The following DHRSX variants were observed in gnomAD, a reference collection of about 807,000 sequenced individuals.
DHRSX encodes dehydrogenase/reductase X-linked.
In DHRSX, 31 loss-of-function variants were observed where a neutral mutation model predicts 34.0. The ratio of observed to expected loss-of-function variants is 0.91; its 90% CI spans 0.69 to 1.23. The LOEUF is 1.23. DHRSX is among the 50% of genes most tolerant of loss of function. DHRSX has a pLI of 0.00. For missense variants in DHRSX, 414 were observed against 428.1 expected (o/e 0.97, Z 0.29); for synonymous variants, 201 against 183.8 (o/e 1.09, Z -0.76).
chrX:2,453,499 C>A (rs1462800818), intron 1 of DHRSX, among the ~76,000 whole-genome samples: 1 of 151,530 alleles, frequency 6.6e-6, no homozygotes, highest in Non-Finnish European at 1.5e-5. Flanking sequence ...TAGCAAGACA[C>A]CATCTCTACA....
At chrX:2,367,459 A>C (rs1463447951) in intron 3 of DHRSX, among the ~76,000 whole-genome samples, 1 of 151,982 alleles carries the variant, frequency 6.6e-6, no homozygotes, top group Non-Finnish European at 1.5e-5. Context: ...AAAAAGAAAA[A>C]AAAAAAAGAA....
At chrX:2,397,573 A>C (rs966848983) in intron 3 of DHRSX, among the ~76,000 whole-genome samples, 6 of 12,978 alleles carry the variant, frequency 4.6e-4, no homozygotes, top group African/African-American at 1.2e-3. Context: ...TTCACAGACA[A>C]AAAAAAAAAC....
Position 2,257,295 on chromosome X carries a change from A to G in DHRSX, c.596+9445T>C, listed in dbSNP as rs755660425. ...ACTGAACTTCAGTCATATGTGACGCAGGGATGACACAAGAACAGAAAAATC... is the reference window on the plus strand; with the variant it reads ...ACTGAACTTCAGTCATATGTGACGCGGGGATGACACAAGAACAGAAAAATC... On this transcript the variant is annotated intron_variant, in intron 5 of 6. Coordinates refer to ENST00000334651, the MANE Select transcript of DHRSX (RefSeq NM_145177.3). Among the ~76,000 whole-genome samples the G allele has an allele frequency of 2.6e-3, 394 of 152,282 alleles. 2 individuals are homozygous for G. The highest frequency in any genetic ancestry group is 0.024 in the Middle Eastern group (7 of 294).
intron 4 of DHRSX, among the ~76,000 whole-genome samples, chrX:2,273,793 T>C (rs1470988416): frequency 6.6e-6 from 1 of 152,224 alleles, no homozygotes; most frequent in Non-Finnish European, 1.5e-5. Flanking sequence ...AGCAAATTCT[T>C]GGTGACAACA....
At chrX:2,378,742 CT>C (rs2043170395) in intron 3 of DHRSX, among the ~76,000 whole-genome samples, 1 of 151,888 alleles carries the variant, frequency 6.6e-6, no homozygotes, top group South Asian at 2.1e-4. Flanking sequence ...GCGATCTCGG[CT>C]CACTGCAACC....
chrX:2,297,418 T>C (rs2041947561), intron 3 of DHRSX, among the ~76,000 whole-genome samples: 1 of 152,122 alleles, frequency 6.6e-6, no homozygotes. Flanking sequence ...CCACCTTGCC[T>C]GGCCATCCTT....
At position 2,470,094 on chromosome X, in the gene DHRSX, G is replaced by A. The variant is rs191331271; in HGVS notation, c.109+30723C>T. ...TGAAAAAGGAAATCCTGCCATTTGCGCAACATGGATGGGACTGGAAGATAC... is the reference window on the plus strand; with the variant it reads ...TGAAAAAGGAAATCCTGCCATTTGCACAACATGGATGGGACTGGAAGATAC... On this transcript the variant is annotated intron_variant, in intron 1 of 6. Transcript: ENST00000334651. Among the ~76,000 whole-genome samples, 7 of 139,650 alleles carry A rather than the reference G, an allele frequency of 5.0e-5. No individual in the cohort carries two copies. The South Asian group carries it at 9.7e-4, about 19-fold the overall frequency. 91.6% of individuals were successfully genotyped at this position (139,650 alleles called of 152,430 possible).
intron 3 of DHRSX, among the ~76,000 whole-genome samples, chrX:2,371,480 CCT>C (rs2043066277): frequency 7.0e-6 from 1 of 143,680 alleles, no homozygotes; most frequent in African/African-American, 2.5e-5. Flanking sequence ...CATAGACCCT[CCT>C]CCTCCCGTTA....
At chrX:2,234,886 T>G (rs1174578439) in intron 6 of DHRSX, among the ~76,000 whole-genome samples, 9 of 152,090 alleles carry the variant, frequency 5.9e-5, no homozygotes. Flanking sequence ...AATTTTTGTA[T>G]TTTTAGTAGA....
chrX:2,438,672 T>TAA (rs11449377), intron 1 of DHRSX, among the ~76,000 whole-genome samples: 69,387 of 141,264 alleles, frequency 0.49, 17,177 homozygotes, highest in East Asian at 0.81. Context: ...CATCTCAAAA[T>TAA]AAAAAAAAAA....
intron 6 of DHRSX, among the ~76,000 whole-genome samples, chrX:2,222,351 C>T (rs1254395141): frequency 6.6e-6 from 1 of 152,238 alleles, no homozygotes; most frequent in Admixed American, 6.5e-5. Flanking sequence ...ATTCCAACCT[C>T]CTAATGACAT....
intron 1 of DHRSX, among the ~76,000 whole-genome samples, chrX:2,463,950 G>C (rs28540157): frequency 6.6e-6 from 1 of 151,966 alleles, no homozygotes; most frequent in Non-Finnish European, 1.5e-5. Context: ...GAAGACGTTC[G>C]GAAAGCATGT....
intron 6 of DHRSX, among the ~76,000 whole-genome samples, chrX:2,239,886 G>T (rs1311193321): frequency 1.3e-5 from 2 of 152,152 alleles, no homozygotes; most frequent in Non-Finnish European, 2.9e-5. Context: ...TCCTAGTGTT[G>T]GTGTATTGCT....
At chrX:2,282,757 G>A (rs1427890273) in intron 4 of DHRSX, among the ~76,000 whole-genome samples, 1 of 129,542 alleles carries the variant, frequency 7.7e-6, no homozygotes, top group Admixed American at 7.8e-5. Context: ...AGAGAGAGAA[G>A]AGGGGAGAAA....
intron 3 of DHRSX, among the ~76,000 whole-genome samples, chrX:2,308,082 A>G (rs2042121594): frequency 1.3e-5 from 2 of 152,136 alleles, no homozygotes; most frequent in Admixed American, 1.3e-4. Context: ...TAGATAATTT[A>G]GAGAAATGAA....
intron 5 of DHRSX, among the ~76,000 whole-genome samples, chrX:2,245,727 G>T (rs1336378503): frequency 6.7e-6 from 1 of 148,222 alleles, no homozygotes; most frequent in Non-Finnish European, 1.5e-5. Flanking sequence ...GGAGGCCAAG[G>T]CGGGCGGATC....
intron 4 of DHRSX, among the ~76,000 whole-genome samples, chrX:2,268,203 C>T (rs944026571): frequency 2.0e-5 from 3 of 152,192 alleles, no homozygotes; most frequent in African/African-American, 7.2e-5. Flanking sequence ...TGAGCGCCTG[C>T]CCTGAAGTCC....
intron 1 of DHRSX, among the ~76,000 whole-genome samples, chrX:2,467,242 G>T (rs2044510664): frequency 6.6e-6 from 1 of 152,038 alleles, no homozygotes; most frequent in African/African-American, 2.4e-5. Context: ...TACGTAGAAG[G>T]TGCATGCCTG....
rs1232291027 is a variant in DHRSX at position 2,469,115 on chromosome X, A to G, written c.109+31702T>C. On this transcript the variant is annotated intron_variant, in intron 1 of 6. Transcript: ENST00000334651. Reference sequence around the variant, plus strand: ...GGGACCACTGCCATGTACACACTGAAGACGTTCCCTAACAATGCGCCCAAG... The same window carrying G: ...GGGACCACTGCCATGTACACACTGAGGACGTTCCCTAACAATGCGCCCAAG... Among the ~76,000 whole-genome samples the G allele has an allele frequency of 2.0e-5, 3 of 152,008 alleles. No individual in the cohort carries two copies. The East Asian group carries it at 5.8e-4, about 29-fold the overall frequency.
Sources: allele counts gnomAD v4.1 joint callset (sites outside exome capture counted in the v4.1 genomes callset), GRCh38; gene constraint gnomAD v4.1.1; transcripts MANE v1.5; gene names NCBI Gene and HGNC (gene_info 2026-07-23, HGNC 2026-07-21).